HS6ST3: variants seen among roughly 807,000 people sequenced by gnomAD.
The protein encoded by HS6ST3 is heparan-sulfate 6-O-sulfotransferase 3.
A neutral mutation model predicts 36.7 loss-of-function variants in HS6ST3; 12 were observed. The observed-to-expected ratio is 0.33, with a 90% CI of 0.21 to 0.53. HS6ST3 has a LOEUF of 0.53. HS6ST3 is among the 20% of genes least tolerant of loss of function. The pLI is 0.95. For missense variants in HS6ST3, 584 were observed against 640.9 expected, an observed-to-expected ratio of 0.91 and a Z score of 0.96; for synonymous variants, 240 against 257.5, an observed-to-expected ratio of 0.93 and a Z score of 0.65.
At chr13:96,394,116 C>A (rs2055409153) in intron 1 of HS6ST3, among the ~76,000 whole-genome samples, 1 of 152,088 alleles carries the variant, frequency 6.6e-6, no homozygotes, top group Non-Finnish European at 1.5e-5. Flanking sequence ...CAGATGGTAG[C>A]CTTTGTGTTC....
At chr13:96,371,890 G>T (rs565955832) in intron 1 of HS6ST3, among the ~76,000 whole-genome samples, 4 of 151,954 alleles carry the variant, frequency 2.6e-5, no homozygotes, top group Admixed American at 6.6e-5. Context: ...TCACCTGTTC[G>T]TGGACGCTTA....
intron 1 of HS6ST3, among the ~76,000 whole-genome samples, chr13:96,184,056 C>T (rs2054253107): frequency 1.3e-5 from 2 of 151,772 alleles, no homozygotes; most frequent in Non-Finnish European, 2.9e-5. Flanking sequence ...CAAAAATTAG[C>T]TGGACGTGGT....
At chr13:96,408,738 A>C (rs1363089367) in intron 1 of HS6ST3, among the ~76,000 whole-genome samples, 2 of 152,098 alleles carry the variant, frequency 1.3e-5, no homozygotes, top group African/African-American at 2.4e-5. Context: ...AGCCTGGCCA[A>C]CATGGTGAAA....
rs146853906 is a variant in HS6ST3 at position 96,244,366 on chromosome 13, A to G, written c.707+152797A>G. 1.4e-4 allele frequency among the ~76,000 whole-genome samples: 21 copies of G among 152,272 alleles called. 2 individuals carry two copies. The highest frequency in any genetic ancestry group is 5.1e-4 in the African/African-American group (21 of 41,570). ...GTAAACATATCGCATCAAAACCAGT[A>G]TTATAATTGAAAGTCTTGTTTGCAT... On this transcript the variant is annotated intron_variant, in intron 1 of 1. Coordinates refer to ENST00000376705, the MANE Select transcript of HS6ST3 (RefSeq NM_153456.4).
At chr13:96,367,640 G>A (rs2055269715) in intron 1 of HS6ST3, among the ~76,000 whole-genome samples, 1 of 152,200 alleles carries the variant, frequency 6.6e-6, no homozygotes, top group South Asian at 2.1e-4. Flanking sequence ...GGATGTAAAT[G>A]AGTTAACCTT....
At chr13:96,737,110 C>T (rs1458457284) in intron 1 of HS6ST3, among the ~76,000 whole-genome samples, 4 of 151,850 alleles carry the variant, frequency 2.6e-5, no homozygotes, top group Non-Finnish European at 5.9e-5. Context: ...AACTGATTAA[C>T]AGGAAAAGGG....
intron 1 of HS6ST3, among the ~76,000 whole-genome samples, chr13:96,479,069 G>A (rs1749867564): frequency 6.6e-6 from 1 of 152,192 alleles, no homozygotes. Flanking sequence ...TAGTGTCTGT[G>A]TCAAGGAGCT....
chr13:96,830,914 G>C (rs1223801575), intron 1 of HS6ST3, among the ~76,000 whole-genome samples: 1 of 152,176 alleles, frequency 6.6e-6, no homozygotes, highest in Non-Finnish European at 1.5e-5. Context: ...AGGACAAAAG[G>C]CTGCAGTGGG....
chr13:96,612,621 C>G (rs1036530221), intron 1 of HS6ST3, among the ~76,000 whole-genome samples: 1 of 152,132 alleles, frequency 6.6e-6, no homozygotes, highest in African/African-American at 2.4e-5. Context: ...TGATTTTTCT[C>G]CTAGTTTGCA....
chr13:96,318,340 T>C (rs911932510), intron 1 of HS6ST3, among the ~76,000 whole-genome samples: 1 of 152,028 alleles, frequency 6.6e-6, no homozygotes, highest in Admixed American at 6.5e-5. Context: ...GAGACCAGGC[T>C]GGCCAACATG....
chr13:96,406,488 T>G (rs1460387654), intron 1 of HS6ST3, among the ~76,000 whole-genome samples: 2 of 152,220 alleles, frequency 1.3e-5, no homozygotes, highest in Non-Finnish European at 2.9e-5. Flanking sequence ...GTATTCATCT[T>G]GCATTGGAAC....
intron 1 of HS6ST3, among the ~76,000 whole-genome samples, chr13:96,125,160 A>G (rs2053944468): frequency 6.6e-6 from 1 of 152,126 alleles, no homozygotes; most frequent in African/African-American, 2.4e-5. Context: ...TGAAATTAAA[A>G]CCACCAAATT....
chr13:96,204,505 T>G (rs1286150268), intron 1 of HS6ST3, among the ~76,000 whole-genome samples: 1 of 151,910 alleles, frequency 6.6e-6, no homozygotes, highest in Non-Finnish European at 1.5e-5. Flanking sequence ...AGTGGATAGA[T>G]ATCTACAGAA....
chr13:96,466,319 G>A (rs953890885), intron 1 of HS6ST3, among the ~76,000 whole-genome samples: 1 of 152,020 alleles, frequency 6.6e-6, no homozygotes, highest in Non-Finnish European at 1.5e-5. Flanking sequence ...CAAATTTCAA[G>A]TGTACAATTC....
At chr13:96,785,480 A>AG (rs1566453256) in intron 1 of HS6ST3, among the ~76,000 whole-genome samples, 1 of 152,218 alleles carries the variant, frequency 6.6e-6, no homozygotes, top group Non-Finnish European at 1.5e-5. Flanking sequence ...ATCTCCCAAA[A>AG]TAGCCATTTC....
chr13:96,274,581 T>A (rs1323517006), intron 1 of HS6ST3, among the ~76,000 whole-genome samples: 1 of 152,102 alleles, frequency 6.6e-6, no homozygotes, highest in Non-Finnish European at 1.5e-5. Context: ...TCCTCTATAT[T>A]TTCTTTGGTG....
intron 1 of HS6ST3, among the ~76,000 whole-genome samples, chr13:96,125,653 T>A (rs1242291400): frequency 6.6e-6 from 1 of 152,154 alleles, no homozygotes; most frequent in Non-Finnish European, 1.5e-5. Flanking sequence ...TTATACAATA[T>A]GCATAATCAT....
chr13:96,120,721 C>T (rs759333000), intron 1 of HS6ST3, among the ~76,000 whole-genome samples: 2 of 152,038 alleles, frequency 1.3e-5, no homozygotes, highest in Non-Finnish European at 2.9e-5. Flanking sequence ...TAATAAAAAA[C>T]ACAATTATAA....
intron 1 of HS6ST3, among the ~76,000 whole-genome samples, chr13:96,711,956 A>T (rs1326654748): frequency 6.6e-6 from 1 of 152,218 alleles, no homozygotes; most frequent in Non-Finnish European, 1.5e-5. Flanking sequence ...AGTTGAGTAG[A>T]TCAGTTAGTA....
Sources: gnomAD v4.1 joint callset for allele counts (sites outside exome capture counted in the v4.1 genomes callset) on GRCh38, gnomAD v4.1.1 for gene constraint, MANE v1.5 for transcripts, NCBI Gene and HGNC (gene_info 2026-07-23, HGNC 2026-07-21) for gene names.